Variants in FBN3 observed in about 807,000 individuals in gnomAD.
The protein encoded by FBN3 is fibrillin 3.
FBN3 carries 234 observed loss-of-function variants against 330.1 expected under a neutral mutation model. That is an observed-to-expected ratio of 0.71 (90% CI 0.64 to 0.79). FBN3 has a LOEUF of 0.79. FBN3 is among the 30% of genes least tolerant of loss of function. The probability of loss-of-function intolerance (pLI) is 0.00; values close to 1 mark genes in which losing one functional copy is unlikely to be tolerated. For missense variants in FBN3, 3,606 were observed against 3,886.9 expected (o/e 0.93, Z 1.92); for synonymous variants, 1,458 against 1,517.3 (o/e 0.96, Z 0.91).
chr19:8,087,972 G>A (rs899958170), intron 52 of FBN3, 25 bp from the exon 53 acceptor site: 1 of 1,614,138 alleles, frequency 6.2e-7, no homozygotes, highest in African/African-American at 1.3e-5. Context: ...GGAGGTGCCA[G>A]CTGGGTAGGG....
At position 8,147,440 on chromosome 19, in the gene FBN3, G is replaced by T. The variant is rs1268007363; in HGVS notation, c.41C>A (p.Ala14Asp). 2.5e-6 allele frequency: 4 copies of T among 1,569,726 alleles called. No individual in the cohort carries two copies. Among genetic ancestry groups the T allele is most frequent in the Non-Finnish European group, 3.4e-6 (4 of 1,160,616 alleles). ...EGLYLARGPL[A>D]RLLLAWSALL... ...GGCCGACCAGGCCAGCAGGAGCCGG[G>T]CCAGGGGGCCCCTTGCCAAATACAG... The change falls in exon 2 of 64, where the codon GCC becomes GAC. Residue 14 changes from alanine (A) to aspartate (D), a missense_variant. By Grantham distance (126) the Ala-to-Asp change is moderately radical. Coordinates refer to ENST00000600128, the MANE Select transcript of FBN3 (RefSeq NM_032447.5).
intron 7 of FBN3, 28 bp from the exon 8 acceptor site, chr19:8,141,870 T>G: frequency 6.2e-7 from 1 of 1,612,480 alleles, no homozygotes; most frequent in East Asian, 2.2e-5. Context: ...GGCAGGGGAG[T>G]GAGAGGCCCA....
chr19:8,135,935 T>TGGGGGGGGG, intron 13 of FBN3, 26 bp downstream of exon 13: 20 of 1,344,126 alleles, frequency 1.5e-5, no homozygotes, highest in East Asian at 5.5e-5. Context: ...CGGAAGCCCC[T>TGGGGGGGGG]GCCCACCCGC....
rs2082216488 is a variant in FBN3, at chr19:8,096,692, G to A, written c.5414-123C>T. 7.1e-7 allele frequency: 1 copy of A among 1,406,432 alleles called. No individual in the cohort carries two copies. Among genetic ancestry groups the A allele is most frequent in the Non-Finnish European group, 9.6e-7 (1 of 1,039,308 alleles). The allele number at this position is 1,406,432 out of a possible 1,614,324, so 87.1% of individuals were successfully genotyped here. On this transcript the variant is annotated intron_variant, in intron 43 of 63. Transcript: ENST00000600128. The surrounding 1 kb of genome is among the most constrained non-coding windows in gnomAD (Gnocchi z 4.6). ...TTCCCCACTCAAACTTCCACCAGGG[G>A]CGTCAGGCTGTCTGCATGGACCTGA...
chr19:8,131,217 G>A lies in FBN3; in HGVS notation c.2044+18C>T, dbSNP rs777018928. On this transcript the variant is annotated intron_variant, in intron 16 of 63. Transcript: ENST00000600128. The surrounding 1 kb of genome is among the most constrained non-coding windows in gnomAD (Gnocchi z 4.5). ...GGGGCAGGCTGGCTGCTGTTTGGAG[G>A]GGCTGGGCTCCACTTACCTCGACCA... is the stretch of plus-strand genomic sequence containing the variant. 6 of 1,603,408 alleles carry A rather than the reference G, an allele frequency of 3.7e-6. No individual in the cohort carries two copies. The highest frequency in any genetic ancestry group is 3.5e-5 in the Admixed American group (2 of 57,696).
chr19:8,125,864 C>A, intron 22 of FBN3, 28 bp downstream of exon 22: 1 of 1,586,564 alleles, frequency 6.3e-7, no homozygotes, highest in South Asian at 1.1e-5. Context: ...AACGTGTGGC[C>A]CTGTATGCGG....
rs1290426720 is a variant in FBN3, at chr19:8,087,086, C to T, written c.6745G>A (p.Gly2249Ser). The T allele has an allele frequency of 1.9e-6, 3 of 1,608,600 alleles. No individual in the cohort carries two copies. The highest frequency in any genetic ancestry group is 1.7e-5 in the Admixed American group (1 of 59,242). Residue 2249 changes from glycine to serine, a missense_variant, in exon 54 of 64, where the codon GGC becomes AGC. Coordinates refer to ENST00000600128, the MANE Select transcript of FBN3 (RefSeq NM_032447.5). ...CTCCAGTGCCCCATACCTGTGCAGC[C>T]CTCCCCAGAGCCAGGCAGGGGCCGC... ...GMRPLPGSGE[G>S]CTDDNECHAQ... is the part of the protein sequence containing the mutation.
At chr19:8,117,417 G>A (rs1283662510) in intron 27 of FBN3, 47 bp downstream of exon 27, 24 of 1,555,342 alleles carry the variant, frequency 1.5e-5, no homozygotes, top group Non-Finnish European at 2.1e-5. Context: ...CACTATGTCT[G>A]GGACTGTGGT....
At chr19:8,120,941 G>C (rs1421055512) in intron 25 of FBN3, among the ~76,000 whole-genome samples, 3 of 152,158 alleles carry the variant, frequency 2.0e-5, no homozygotes, top group African/African-American at 4.8e-5. Flanking sequence ...GTCAATGATG[G>C]GGACGAGAGG....
At chr19:8,093,344 C>G (rs2082138510) in intron 47 of FBN3, among the ~76,000 whole-genome samples, 3 of 152,002 alleles carry the variant, frequency 2.0e-5, no homozygotes, top group Admixed American at 6.6e-5. Flanking sequence ...AAAAATTGGG[C>G]CTGGCGCAAT....
At chr19:8,073,806 A>G (rs1053117455) in intron 61 of FBN3, among the ~76,000 whole-genome samples, 3 of 152,160 alleles carry the variant, frequency 2.0e-5, no homozygotes, top group Non-Finnish European at 2.9e-5. Flanking sequence ...CAGCCTCCTG[A>G]GTAGCTGGGA....
rs755364170 is a variant in FBN3, at chr19:8,112,099, T to A, written c.3839A>T (p.Asp1280Val). 1.2e-6 allele frequency: 2 copies of A among 1,611,508 alleles called. No individual in the cohort carries two copies. The highest frequency in any genetic ancestry group is 2.2e-5 in the South Asian group (2 of 90,940). Residue 1280 changes from aspartate to valine, a missense_variant and splice_region_variant, in exon 31 of 64, where the codon GAT (aspartate) becomes GTT (valine). Asp to Val is a radical substitution (Grantham distance 152). Coordinates refer to ENST00000600128, the MANE Select transcript of FBN3 (RefSeq NM_032447.5). Reference sequence around the variant, plus strand: ...TCCTCCAACCTCGCATTCATCCACATCTAAAGGGAGAGGAGGCACGACGCC... The same window carrying A: ...TCCTCCAACCTCGCATTCATCCACAACTAAAGGGAGAGGAGGCACGACGCC... The part of the protein sequence containing the change: ...MVRKGATGCS[D>V]VDECEVGGHN...
chr19:8,109,520 G>C lies in FBN3; in HGVS notation c.4456+111C>G, dbSNP rs1370840642. The C allele has an allele frequency of 6.5e-7, 1 of 1,537,472 alleles. No homozygotes were observed. Among genetic ancestry groups the C allele is most frequent in the Non-Finnish European group, 8.9e-7 (1 of 1,129,114 alleles). ...CAGGAGACCAGCAGATGTCCCGTTT[G>C]TCAGGAGCAGGTAGATTTGAACACG... is the stretch of plus-strand genomic sequence containing the variant. On this transcript the variant is annotated intron_variant, in intron 35 of 63. Transcript: ENST00000600128. This position sits in a 1 kb window ranked among gnomAD's most constrained non-coding sequence, Gnocchi z 5.2.
In FBN3 at chr19:8,129,575, G is replaced by A. The variant is rs943393793; in HGVS notation, c.2045-210C>T. Among the ~76,000 whole-genome samples, 8 of 152,076 alleles carry A rather than the reference G, an allele frequency of 5.3e-5. No homozygotes were observed. The highest frequency in any genetic ancestry group is 1.7e-4 in the African/African-American group (7 of 41,414). On this transcript the variant is annotated intron_variant, in intron 16 of 63. Transcript: ENST00000600128. The surrounding 1 kb of genome is among the most constrained non-coding windows in gnomAD (Gnocchi z 4.5). ...GGGGCCAGATCATTTTTTGCTGTGA[G>A]GGGCCATCCCACGCATTTTAGGATG...
In FBN3 at chr19:8,096,916, C is replaced by T. The variant is rs143230386; in HGVS notation, c.5378G>A (p.Arg1793Gln). The part of the protein sequence containing the change: ...IPGSYRCKCT[R>Q]GYKLSPGGAC... ...CCCGCCTGGCGACAGTTTGTACCCT[C>T]GGGTGCACTTGCAGCGGTAGCTACC... Residue 1793 changes from arginine to glutamine, a missense_variant, in exon 43 of 64, where the codon CGA becomes CAA. Physicochemically the swap from Arg to Gln is conservative, Grantham distance 43 (BLOSUM62 1). Coordinates refer to ENST00000600128, the MANE Select transcript of FBN3 (RefSeq NM_032447.5). This position sits in a 1 kb window ranked among gnomAD's most constrained non-coding sequence, Gnocchi z 4.6. The T allele has an allele frequency of 2.2e-5, 35 of 1,613,766 alleles. No individual in the cohort carries two copies. The highest frequency in any genetic ancestry group is 8.3e-5 in the Admixed American group (5 of 60,022).
intron 1 of FBN3, 190 bp from the exon 2 acceptor site, chr19:8,147,687 G>C (rs892864331): frequency 4.3e-6 from 2 of 463,386 alleles, no homozygotes; most frequent in Non-Finnish European, 3.7e-6. Flanking sequence ...GAGGTGTGAT[G>C]TTAGAGAAGG....
At position 8,148,636 on chromosome 19, in the gene FBN3, G is replaced by A. The variant is rs1038058371; in HGVS notation, c.-18+813C>T. The A allele has an allele frequency of 1.3e-5, 2 of 152,374 alleles. 1 individual carries two copies. The highest frequency in any genetic ancestry group is 4.1e-4 in the South Asian group (2 of 4,838). 9.4% of individuals were successfully genotyped at this position (152,374 alleles called of 1,614,324 possible). A position where few individuals can be genotyped will look rare whatever the true frequency, so the allele number is the denominator to read the frequency against. On this transcript the variant is annotated intron_variant, in intron 1 of 63. Transcript: ENST00000600128. ...ACTTGAGGGAGAGAAGCCAGACCAA[G>A]TGGCCTTCCTGTTCCATTCAGGTTC...
At chr19:8,125,346 G>A (rs1306463693) in intron 22 of FBN3, among the ~76,000 whole-genome samples, 1 of 152,106 alleles carries the variant, frequency 6.6e-6, no homozygotes, top group Non-Finnish European at 1.5e-5. Context: ...CCCAGGAAGT[G>A]CAAGTTGTAG....
At position 8,123,771 on chromosome 19, in the gene FBN3, T is replaced by G; in HGVS notation, c.2956+13A>C. 1 of 1,612,566 alleles carries G rather than the reference T, an allele frequency of 6.2e-7. No homozygotes were observed. Among genetic ancestry groups the G allele is most frequent in the Admixed American group, 1.7e-5 (1 of 59,988 alleles). On this transcript the variant is annotated intron_variant, in intron 23 of 63. Transcript: ENST00000600128. ...CCATCCTTCCAGGGGCCTGACCCCT[T>G]CCCCAACCGCACCTTTATAGAATGG... is the stretch of plus-strand genomic sequence containing the variant.
Sources: gnomAD v4.1 joint callset for allele counts (sites outside exome capture counted in the v4.1 genomes callset) on GRCh38, gnomAD v4.1.1 for gene constraint, Gnocchi (gnomAD v3.1) non-coding constraint, MANE v1.5 for transcripts, NCBI Gene and HGNC (gene_info 2026-07-23, HGNC 2026-07-21) for gene names.